LCLAT1: variants seen among roughly 807,000 people sequenced by gnomAD.
LCLAT1 encodes the protein lysocardiolipin acyltransferase 1.
Under a neutral mutation model 30.7 loss-of-function variants are expected in LCLAT1, and 11 were observed. The ratio of observed to expected loss-of-function variants is 0.36; its 90% CI spans 0.23 to 0.59. The LOEUF is 0.59. LCLAT1 is among the 20% of genes least tolerant of loss of function. The pLI is 0.77. For synonymous variants in LCLAT1, 155 were observed against 151.3 expected (o/e 1.02, Z -0.18); for missense variants, 402 against 458.6 (o/e 0.88, Z 1.13).
chr2:30,615,814 G>T (rs1464117715), intron 5 of LCLAT1, among the ~76,000 whole-genome samples: 2 of 152,116 alleles, frequency 1.3e-5, no homozygotes, highest in Non-Finnish European at 2.9e-5. Context: ...ATTATATACT[G>T]CAAAAAACAC....
At chr2:30,508,956 G>A (rs1361053304) in intron 1 of LCLAT1, among the ~76,000 whole-genome samples, 1 of 152,092 alleles carries the variant, frequency 6.6e-6, no homozygotes, top group East Asian at 1.9e-4. Flanking sequence ...GCAGTGTTTT[G>A]TAGTTCTCCT....
At chr2:30,585,162 C>T (rs1434146183) in intron 5 of LCLAT1, among the ~76,000 whole-genome samples, 1 of 152,088 alleles carries the variant, frequency 6.6e-6, no homozygotes, top group East Asian at 1.9e-4. Context: ...ATAGCTGTCT[C>T]CTGACTCCAT....
chr2:30,451,059 T>G (rs961022922), intron 1 of LCLAT1, among the ~76,000 whole-genome samples: 5 of 152,226 alleles, frequency 3.3e-5, no homozygotes, highest in Non-Finnish European at 7.3e-5. Context: ...CATAGATGTC[T>G]TGAACAGGCA....
intron 3 of LCLAT1, among the ~76,000 whole-genome samples, chr2:30,546,206 A>G (rs191687701): frequency 2.8e-4 from 43 of 152,304 alleles, no homozygotes; most frequent in Middle Eastern, 3.4e-3. Context: ...TTGGATATGT[A>G]GAAGTTCCTG....
At chr2:30,631,889 C>T (rs983445582) in intron 5 of LCLAT1, among the ~76,000 whole-genome samples, 3 of 152,150 alleles carry the variant, frequency 2.0e-5, no homozygotes, top group Non-Finnish European at 4.4e-5. Flanking sequence ...TAACTCCAGC[C>T]TCAGCAAGTG....
At chr2:30,620,984 G>T (rs1249541830) in intron 5 of LCLAT1, among the ~76,000 whole-genome samples, 1 of 151,858 alleles carries the variant, frequency 6.6e-6, no homozygotes, top group Admixed American at 6.6e-5. Flanking sequence ...GGCTTTTTTT[G>T]GATTTAGAAG....
At chr2:30,598,409 ATTT>A (rs1482980239) in intron 5 of LCLAT1, among the ~76,000 whole-genome samples, 3 of 129,342 alleles carry the variant, frequency 2.3e-5, no homozygotes, top group African/African-American at 8.8e-5. Flanking sequence ...TTTCTTCTAG[ATTT>A]TCTTTTTTTT....
intron 3 of LCLAT1, among the ~76,000 whole-genome samples, chr2:30,534,499 T>C (rs976860094): frequency 6.6e-6 from 1 of 152,166 alleles, no homozygotes; most frequent in African/African-American, 2.4e-5. Flanking sequence ...AGGATGGTCT[T>C]GATCTCCTGA....
intron 5 of LCLAT1, among the ~76,000 whole-genome samples, chr2:30,631,250 G>C (rs1008331025): frequency 6.6e-6 from 1 of 152,100 alleles, no homozygotes; most frequent in African/African-American, 2.4e-5. Context: ...GGTTTTCTTA[G>C]GGCTTTCTCT....
Position 30,640,571 on chromosome 2 carries a change from C to T in LCLAT1, c.1083C>T (p.Tyr361=), listed in dbSNP as rs761289211. 92 of 1,612,430 alleles carry T rather than the reference C, an allele frequency of 5.7e-5. 1 individual carries two copies. The highest frequency in any genetic ancestry group is 1.7e-4 in the Middle Eastern group (1 of 6,040). ...TGGAGATCATAGAACTTGCATGTTA[C>T]CGACTTTTACACAAACAGCCACATT... ...GGLEIIELAC[Y]RLLHKQPHLN... is the part of the protein sequence containing the mutation. Residue 361 remains tyrosine, a synonymous_variant, in exon 6 of 6, where the codon TAC becomes TAT. Coordinates refer to ENST00000379509, the MANE Select transcript of LCLAT1 (RefSeq NM_001002257.3).
chr2:30,489,738 A>G (rs1683747005), intron 1 of LCLAT1, among the ~76,000 whole-genome samples: 1 of 152,212 alleles, frequency 6.6e-6, no homozygotes, highest in African/African-American at 2.4e-5. Flanking sequence ...TAATTCTGCT[A>G]AGAGGTCTGT....
rs1015070627 is a variant in LCLAT1 at position 30,453,001 on chromosome 2, G to A, written c.-5+5618G>A. Among the ~76,000 whole-genome samples the A allele has an allele frequency of 2.0e-5, 3 of 152,196 alleles. No individual in the cohort carries two copies. In the South Asian group the frequency reaches 6.2e-4, roughly 32 times the overall value. On this transcript the variant is annotated intron_variant, in intron 1 of 5. Coordinates refer to ENST00000379509, the MANE Select transcript of LCLAT1 (RefSeq NM_001002257.3). ...TTAGCTGCCTTGTCTGCAGCTTTTCGCAGTTGAGTTCTGAAGACTTCAGTT... is the reference window on the plus strand; with the variant it reads ...TTAGCTGCCTTGTCTGCAGCTTTTCACAGTTGAGTTCTGAAGACTTCAGTT...
chr2:30,568,241 A>T (rs1428955926), intron 5 of LCLAT1, 65 bp downstream of exon 5: 11 of 690,126 alleles, frequency 1.6e-5, no homozygotes, highest in Non-Finnish European at 2.7e-5. Context: ...CTTTATATAT[A>T]GCCCTTTAGA....
chr2:30,463,147 T>G (rs914730994), intron 1 of LCLAT1, among the ~76,000 whole-genome samples: 1 of 151,818 alleles, frequency 6.6e-6, no homozygotes, highest in African/African-American at 2.4e-5. Flanking sequence ...ATTTATACAT[T>G]TATATATTTA....
chr2:30,545,073 AAC>A (rs1664336339), intron 3 of LCLAT1, among the ~76,000 whole-genome samples: 2 of 152,158 alleles, frequency 1.3e-5, no homozygotes, highest in Admixed American at 1.3e-4. Flanking sequence ...TACTAATGGG[AAC>A]AGATTTTGGA....
intron 3 of LCLAT1, among the ~76,000 whole-genome samples, chr2:30,533,833 T>G (rs1181190389): frequency 6.6e-6 from 1 of 152,224 alleles, no homozygotes; most frequent in Non-Finnish European, 1.5e-5. Context: ...CCTGGAAATG[T>G]TTATTTTAAA....
intron 5 of LCLAT1, among the ~76,000 whole-genome samples, chr2:30,589,082 A>G (rs1666574157): frequency 6.6e-6 from 1 of 152,236 alleles, no homozygotes; most frequent in African/African-American, 2.4e-5. Context: ...CAAATTGGTT[A>G]TTTGGCATTG....
intron 5 of LCLAT1, among the ~76,000 whole-genome samples, chr2:30,587,028 C>A (rs1416073588): frequency 6.6e-6 from 1 of 152,154 alleles, no homozygotes; most frequent in Admixed American, 6.5e-5. Context: ...CAGTCTTCTA[C>A]CTCTTAGATT....
chr2:30,478,846 T>A (rs772026597), intron 1 of LCLAT1, among the ~76,000 whole-genome samples: 9 of 152,210 alleles, frequency 5.9e-5, no homozygotes, highest in Non-Finnish European at 1.0e-4. Context: ...CAAGATTTTT[T>A]AAGATCTTTA....
Sources: gnomAD v4.1 joint callset for allele counts (sites outside exome capture counted in the v4.1 genomes callset) on GRCh38, gnomAD v4.1.1 for gene constraint, MANE v1.5 for transcripts, NCBI Gene and HGNC (gene_info 2026-07-23, HGNC 2026-07-21) for gene names.